The following MGST1 variants were observed in gnomAD, a reference collection of about 807,000 sequenced individuals.
The protein encoded by MGST1 is glutathione S-transferase 12.
Under a neutral mutation model 8.9 loss-of-function variants are expected in MGST1, and 5 were observed. The ratio of observed to expected loss-of-function variants is 0.56; its 90% CI spans 0.29 to 1.19. The LOEUF (loss-of-function observed/expected upper bound fraction) is 1.19, where lower values mean the gene tolerates loss of function less well. Among genes scored for constraint, MGST1 ranks in the 50% most tolerant of loss-of-function variants. The pLI, the probability that MGST1 is intolerant of heterozygous loss-of-function variation, is 0.08. For synonymous variants in MGST1, 54 were observed against 67.8 expected (o/e 0.80, Z 1.00); for missense variants, 182 against 187.4 (o/e 0.97, Z 0.17).
chr12:16,499,453 G>GTT (rs1404614125), intron 4 of MGST1, among the ~76,000 whole-genome samples: 1 of 152,038 alleles, frequency 6.6e-6, no homozygotes, highest in East Asian at 1.9e-4. Context: ...GTCCCCATTT[G>GTT]TTTCCCTGTT....
intron 4 of MGST1, among the ~76,000 whole-genome samples, chr12:16,486,972 T>C (rs1941403072): frequency 3.9e-5 from 6 of 152,146 alleles, no homozygotes. Flanking sequence ...GCCTGCCATA[T>C]GCCATCCCTG....
chr12:16,508,152 C>T (rs774598577), intron 4 of MGST1, among the ~76,000 whole-genome samples: 1 of 152,224 alleles, frequency 6.6e-6, no homozygotes. Flanking sequence ...TCATTATACT[C>T]CTAAAACCCT....
chr12:16,407,850 G>A (rs1274037633), intron 1 of MGST1, among the ~76,000 whole-genome samples: 1 of 151,924 alleles, frequency 6.6e-6, no homozygotes, highest in Non-Finnish European at 1.5e-5. Flanking sequence ...TGGCCAACGT[G>A]GTGAAACCCT....
intron 4 of MGST1, among the ~76,000 whole-genome samples, chr12:16,478,799 T>C (rs928476807): frequency 2.0e-5 from 3 of 152,170 alleles, no homozygotes; most frequent in African/African-American, 7.2e-5. Context: ...CTTAAATGTT[T>C]TTTTAGTTTA....
chr12:16,457,658 G>T (rs1941186343), intron 4 of MGST1, among the ~76,000 whole-genome samples: 1 of 151,770 alleles, frequency 6.6e-6, no homozygotes, highest in Non-Finnish European at 1.5e-5. Context: ...AAACCTTCAT[G>T]CTGTAATGCA....
intron 4 of MGST1, among the ~76,000 whole-genome samples, chr12:16,448,024 T>C (rs1212232845): frequency 6.6e-6 from 1 of 151,854 alleles, no homozygotes; most frequent in African/African-American, 2.4e-5. Context: ...CATCTATGTA[T>C]GGTAGTAGTT....
In MGST1 at chr12:16,413,645, A is replaced by G. The variant is rs147714204; in HGVS notation, n.779-23743A>G. Among the ~76,000 whole-genome samples, 160 of 152,140 alleles carry G rather than the reference A, an allele frequency of 1.1e-3. No individual in the cohort carries two copies. Among genetic ancestry groups the G allele is most frequent in the African/African-American group, 3.6e-3 (151 of 41,500 alleles). On this transcript the variant is annotated intron_variant and non_coding_transcript_variant, in intron 1 of 1. Transcript: ENST00000359720. This position sits in a 1 kb window ranked among gnomAD's most constrained non-coding sequence, Gnocchi z 4.0. ...TAGATAGATCTCAATTTTCTCATTT[A>G]CCCTTATTTTTTTCCATACATTCTC... is the stretch of plus-strand genomic sequence containing the variant.
At chr12:16,581,790 A>G (rs749166345) in intron 4 of MGST1, among the ~76,000 whole-genome samples, 2 of 152,070 alleles carry the variant, frequency 1.3e-5, no homozygotes, top group Non-Finnish European at 2.9e-5. Context: ...TAAAGCATAT[A>G]TATTTTAATA....
Position 16,560,490 on chromosome 12 carries a change from A to G in MGST1, n.483-29038A>G, listed in dbSNP as rs1324322280. ...TGGCACGCATCACCATCTCAAAGGC[A>G]GGGATGAGCTTACTACAGGCAGCGC... is the stretch of plus-strand genomic sequence containing the variant. On this transcript the variant is annotated intron_variant and non_coding_transcript_variant, in intron 4 of 4. Transcript: ENST00000538857. This position sits in a 1 kb window ranked among gnomAD's most constrained non-coding sequence, Gnocchi z 5.0. 3 of 1,613,820 alleles carry G rather than the reference A, an allele frequency of 1.9e-6. No individual in the cohort carries two copies. The African/African-American group carries it at 4.0e-5, about 22-fold the overall frequency.
intron 4 of MGST1, among the ~76,000 whole-genome samples, chr12:16,449,050 G>A (rs984351030): frequency 1.3e-5 from 2 of 151,906 alleles, no homozygotes; most frequent in Non-Finnish European, 2.9e-5. Context: ...GCAGTCTTAC[G>A]TTGAACTCTA....
intron 4 of MGST1, among the ~76,000 whole-genome samples, chr12:16,526,769 A>C (rs1212779363): frequency 6.6e-6 from 1 of 152,000 alleles, no homozygotes; most frequent in African/African-American, 2.4e-5. Context: ...AGGCTGTGAA[A>C]AGTGAGCCAG....
chr12:16,354,045 G>A (rs936777617), intron 1 of MGST1, among the ~76,000 whole-genome samples, 186 bp from the exon 2 acceptor site: 1 of 152,108 alleles, frequency 6.6e-6, no homozygotes, highest in Non-Finnish European at 1.5e-5. Context: ...ACAGGTATAA[G>A]CCACTGCGTT....
At chr12:16,510,479 T>C (rs1941569922) in intron 4 of MGST1, among the ~76,000 whole-genome samples, 1 of 152,206 alleles carries the variant, frequency 6.6e-6, no homozygotes, top group Non-Finnish European at 1.5e-5. Context: ...CCTTAACACA[T>C]TGTAATATTG....
intron 1 of MGST1, chr12:16,402,023 C>A: frequency 6.2e-7 from 1 of 1,600,610 alleles, no homozygotes; most frequent in Non-Finnish European, 8.6e-7. Flanking sequence ...ACACTCCAAT[C>A]TTCTTGCCAT....
intron 1 of MGST1, among the ~76,000 whole-genome samples, chr12:16,418,912 C>A (rs943674188): frequency 6.6e-6 from 1 of 152,116 alleles, no homozygotes; most frequent in African/African-American, 2.4e-5. Flanking sequence ...GTTCACTGAT[C>A]AATTTGGAGA....
chr12:16,537,554 C>T lies in MGST1; in HGVS notation n.483-51974C>T, dbSNP rs1231619417. On this transcript the variant is annotated intron_variant and non_coding_transcript_variant, in intron 4 of 4. Transcript: ENST00000538857. The surrounding 1 kb of genome is among the most constrained non-coding windows in gnomAD (Gnocchi z 4.6). Reference sequence around the variant, plus strand: ...GCAGAGATTCTCCATGAGGGCCCTGCCTCTGCAGCACACTTTTGCCTGGAC... The same window carrying T: ...GCAGAGATTCTCCATGAGGGCCCTGTCTCTGCAGCACACTTTTGCCTGGAC... 6.6e-6 allele frequency among the ~76,000 whole-genome samples: 1 copy of T among 152,248 alleles called. No individual in the cohort carries two copies. Among genetic ancestry groups the T allele is most frequent in the Non-Finnish European group, 1.5e-5 (1 of 68,040 alleles).
chr12:16,399,568 A>G, intron 1 of MGST1: 2 of 1,594,946 alleles, frequency 1.3e-6, no homozygotes, highest in Non-Finnish European at 1.7e-6. Flanking sequence ...TCCTCTTCAT[A>G]GTCATCTTCT....
chr12:16,376,125 C>T (rs763871095), exon 4 of MGST1: 109 of 1,315,106 alleles, frequency 8.3e-5, no homozygotes, highest in Middle Eastern at 1.8e-4. Context: ...TGTTTAGAAT[C>T]AAACAAACCC....
chr12:16,549,696 G>A (rs1375855005), intron 4 of MGST1: 4 of 152,080 alleles, frequency 2.6e-5, no homozygotes, highest in East Asian at 3.9e-4. Context: ...TATGGTTAAC[G>A]GTGCCGTGCA....
Sources: allele counts gnomAD v4.1 joint callset (sites outside exome capture counted in the v4.1 genomes callset), GRCh38; gene constraint gnomAD v4.1.1; non-coding constraint Gnocchi (gnomAD v3.1); transcripts MANE v1.5; gene names NCBI Gene and HGNC (gene_info 2026-07-23, HGNC 2026-07-21).